The following THSD7A variants were observed in gnomAD, a reference collection of about 807,000 sequenced individuals.
THSD7A encodes the protein thrombospondin type-1 domain-containing protein 7A.
A neutral mutation model predicts 231.3 loss-of-function variants in THSD7A; 96 were observed. The observed-to-expected ratio is 0.41, with a 90% CI of 0.35 to 0.49. The LOEUF (loss-of-function observed/expected upper bound fraction) is 0.49. Ranked by LOEUF, THSD7A falls within the 20% of genes least tolerant of loss-of-function variation. THSD7A has a pLI of 0.05. For missense variants in THSD7A, 2,290 were observed against 2,070.2 expected, an observed-to-expected ratio of 1.11 and a Z score of -2.06; for synonymous variants, 940 against 743.3, an observed-to-expected ratio of 1.26 and a Z score of -4.30.
At position 11,373,625 on chromosome 7, in the gene THSD7A, T is replaced by TACTGCA. The variant is rs1157182358; in HGVS notation, c.*2163_*2168dup. On this transcript the variant is annotated 3_prime_UTR_variant, in exon 28 of 28. Transcript: ENST00000423059. ...GAATATTGAATGAGGAATTAGCGCTTACTGCATTTAGTTCTTATTGAAATA... is the reference window on the plus strand; with the variant it reads ...GAATATTGAATGAGGAATTAGCGCTTACTGCAACTGCATTTAGTTCTTATTGAAATA... 1 of 152,036 alleles carries TACTGCA rather than the reference T, an allele frequency of 6.6e-6. No homozygotes were observed. The highest frequency in any genetic ancestry group is 1.5e-5 in the Non-Finnish European group (1 of 67,960). 9.4% of individuals were successfully genotyped at this position (152,036 alleles called of 1,614,324 possible).
chr7:11,786,487 T>G (rs1413575639), intron 1 of THSD7A, among the ~76,000 whole-genome samples: 2 of 152,126 alleles, frequency 1.3e-5, no homozygotes, highest in African/African-American at 4.8e-5. Flanking sequence ...AGTTGTTACC[T>G]TAAGAGAAAG....
intron 23 of THSD7A, chr7:11,384,662 T>G (rs1782659339): frequency 6.6e-6 from 1 of 152,036 alleles, no homozygotes; most frequent in African/African-American, 2.4e-5. Context: ...GAATTTGTCG[T>G]GGAGATTCTC....
Position 11,631,264 on chromosome 7 carries a change from G to GT in THSD7A, c.1022+4865dup, listed in dbSNP as rs1454763933. 7.9e-5 allele frequency among the ~76,000 whole-genome samples: 12 copies of GT among 152,024 alleles called. No individual in the cohort carries two copies. The East Asian group carries it at 2.3e-3, about 29-fold the overall frequency. ...CACAGATTTATCATATAGACACTTC[G>GT]TTTTTTCAGTTTTCCATTTTCCTTT... On this transcript the variant is annotated intron_variant, in intron 2 of 27. Coordinates refer to ENST00000423059, the MANE Select transcript of THSD7A (RefSeq NM_015204.3).
In THSD7A at chr7:11,382,790, C is replaced by T. The variant is rs535809914; in HGVS notation, c.4412-174G>A. Among the ~76,000 whole-genome samples, 3 of 152,014 alleles carry T rather than the reference C, an allele frequency of 2.0e-5. No homozygotes were observed. In the South Asian group the frequency reaches 6.2e-4, roughly 32 times the overall value. ...ATATGTTTAAAATTGCAGCTATATA[C>T]CTCAATCCCAACTAATTTTCCATGT... On this transcript the variant is annotated intron_variant, in intron 23 of 27. Transcript: ENST00000423059.
chr7:11,484,053 T>A (rs1334237117), intron 6 of THSD7A, among the ~76,000 whole-genome samples: 1 of 151,812 alleles, frequency 6.6e-6, no homozygotes, highest in Non-Finnish European at 1.5e-5. Context: ...TATCTTATTT[T>A]AGCTCTTTTT....
chr7:11,593,256 G>C lies in THSD7A; in HGVS notation c.1269C>G (p.Ala423=), dbSNP rs1197464991. Residue 423 remains alanine (A), a splice_region_variant and synonymous_variant, in exon 3 of 28, where the codon GCC becomes GCG. Transcript: ENST00000423059. Reference sequence around the variant, plus strand: ...TATACCCTTCTTTATTTACTCACGTGGCACAGGGGACAACTCCATCTCCTT... The same window carrying C: ...TATACCCTTCTTTATTTACTCACGTCGCACAGGGGACAACTCCATCTCCTT... ...LSQGDGVVPC[A]TYGWRTTEWT... 2.5e-6 allele frequency: 4 copies of C among 1,613,768 alleles called. No individual in the cohort carries two copies. In the East Asian group the frequency reaches 8.9e-5, roughly 36 times the overall value.
intron 1 of THSD7A, among the ~76,000 whole-genome samples, chr7:11,791,638 A>C (rs1166872845): frequency 1.3e-5 from 2 of 152,012 alleles, no homozygotes; most frequent in Non-Finnish European, 2.9e-5. Context: ...CTTCCTTGTA[A>C]GAATTTCCTT....
chr7:11,758,007 A>G (rs1170926291), intron 1 of THSD7A, among the ~76,000 whole-genome samples: 1 of 62,878 alleles, frequency 1.6e-5, no homozygotes, highest in Non-Finnish European at 2.9e-5. Context: ...ATACATATGC[A>G]TTCATATATA....
intron 4 of THSD7A, among the ~76,000 whole-genome samples, chr7:11,564,503 C>A (rs1288224877): frequency 6.6e-6 from 1 of 152,182 alleles, no homozygotes; most frequent in Admixed American, 6.5e-5. Flanking sequence ...TTGCCAGGGT[C>A]CCTTCCTAAT....
chr7:11,424,899 T>C, intron 15 of THSD7A, 70 bp from the exon 16 acceptor site: 1 of 1,571,598 alleles, frequency 6.4e-7, no homozygotes, highest in Non-Finnish European at 8.7e-7. Context: ...TTCCACACCA[T>C]AACAGCAATC....
chr7:11,390,093 G>A (rs556688195), intron 23 of THSD7A, among the ~76,000 whole-genome samples: 1 of 152,044 alleles, frequency 6.6e-6, no homozygotes, highest in South Asian at 2.1e-4. Flanking sequence ...TATGTGTCTT[G>A]GGGTTGCTCT....
intron 9 of THSD7A, among the ~76,000 whole-genome samples, chr7:11,466,197 C>T (rs886990107): frequency 3.3e-5 from 5 of 152,214 alleles, no homozygotes; most frequent in Admixed American, 6.5e-5. Flanking sequence ...AGACTTTACT[C>T]GCAGAATTAA....
At chr7:11,432,116 C>T (rs1314603151) in intron 13 of THSD7A, among the ~76,000 whole-genome samples, 1 of 152,022 alleles carries the variant, frequency 6.6e-6, no homozygotes, top group Non-Finnish European at 1.5e-5. Context: ...TTATCTGAGA[C>T]ACATGTTAAA....
intron 1 of THSD7A, among the ~76,000 whole-genome samples, chr7:11,827,296 T>C (rs1218498944): frequency 6.6e-6 from 1 of 152,208 alleles, no homozygotes; most frequent in Non-Finnish European, 1.5e-5. Context: ...TGATACTGTA[T>C]CTTTTCTACC....
intron 22 of THSD7A, among the ~76,000 whole-genome samples, chr7:11,405,598 C>G (rs1272745370): frequency 6.6e-6 from 1 of 152,106 alleles, no homozygotes; most frequent in Non-Finnish European, 1.5e-5. Flanking sequence ...TTCTCTGCAT[C>G]AAGCCCAAAT....
chr7:11,689,122 T>C (rs1007983872), intron 1 of THSD7A, among the ~76,000 whole-genome samples: 10 of 151,860 alleles, frequency 6.6e-5, no homozygotes, highest in African/African-American at 2.4e-4. Flanking sequence ...ATGTAAGCTT[T>C]AGACAGGATA....
At chr7:11,815,886 T>C (rs73043371) in intron 1 of THSD7A, among the ~76,000 whole-genome samples, 41,923 of 151,886 alleles carry the variant, frequency 0.28, 6,475 homozygotes, top group South Asian at 0.41. Context: ...CCAAATTATT[T>C]CCTACTTTTT....
At chr7:11,505,768 G>A (rs1292204349) in intron 6 of THSD7A, among the ~76,000 whole-genome samples, 1 of 152,054 alleles carries the variant, frequency 6.6e-6, no homozygotes, top group South Asian at 2.1e-4. Flanking sequence ...AGAATAACTG[G>A]GATATGAAGC....
intron 19 of THSD7A, among the ~76,000 whole-genome samples, chr7:11,408,134 A>G (rs1783650132): frequency 6.6e-6 from 1 of 152,190 alleles, no homozygotes; most frequent in Non-Finnish European, 1.5e-5. Context: ...ATTCTGCTTT[A>G]AAAATATAAG....
Sources: allele counts gnomAD v4.1 joint callset (sites outside exome capture counted in the v4.1 genomes callset), GRCh38; gene constraint gnomAD v4.1.1; transcripts MANE v1.5; gene names NCBI Gene and HGNC (gene_info 2026-07-23, HGNC 2026-07-21).